LAIR1: variants seen among roughly 807,000 people sequenced by gnomAD.
The protein encoded by LAIR1 is leukocyte associated immunoglobulin like receptor 1.
LAIR1 carries 24 observed loss-of-function variants against 32.8 expected under a neutral mutation model. That is an observed-to-expected ratio of 0.73 (90% CI 0.53 to 1.03). LAIR1 has a LOEUF of 1.03. LAIR1 is among the 50% of genes least tolerant of loss of function. LAIR1 has a pLI of 0.00. For missense variants in LAIR1, 355 were observed against 347.5 expected, an observed-to-expected ratio of 1.02 and a Z score of -0.17; for synonymous variants, 150 against 140.5, an observed-to-expected ratio of 1.07 and a Z score of -0.48.
In LAIR1 at chr19:54,356,416, G is replaced by A. The variant is rs763321721; in HGVS notation, c.584-18C>T. The A allele has an allele frequency of 1.2e-6, 2 of 1,603,658 alleles. No individual in the cohort carries two copies. The highest frequency in any genetic ancestry group is 2.2e-5 in the South Asian group (2 of 89,816). On this transcript the variant is annotated intron_variant, in intron 6 of 9. Coordinates refer to ENST00000391742, the MANE Select transcript of LAIR1 (RefSeq NM_002287.6). ...GGGGGGCCCTAAGGACAGTCGGGGT[G>A]TGAATTAAGGAGACCTTCTTCCTAG...
upstream of LAIR1, among the ~76,000 whole-genome samples, chr19:54,374,387 C>T (rs1446952483): frequency 3.3e-5 from 5 of 152,192 alleles, no homozygotes; most frequent in African/African-American, 1.2e-4. Flanking sequence ...GCAAGGGTGA[C>T]GGCCTTCTCC....
upstream of LAIR1, among the ~76,000 whole-genome samples, chr19:54,374,481 G>T (rs547755497): frequency 7.3e-4 from 111 of 152,260 alleles, no homozygotes; most frequent in Non-Finnish European, 1.3e-3. Flanking sequence ...TGAACCGGGG[G>T]TGCAGAACCT....
chr19:54,373,252 C>G (rs536277212), upstream of LAIR1, among the ~76,000 whole-genome samples: 1 of 151,242 alleles, frequency 6.6e-6, no homozygotes, highest in Admixed American at 6.6e-5. Flanking sequence ...ACCATCCTGG[C>G]CAACACGGTG....
rs1281745019 is a variant in LAIR1, at chr19:54,352,268, AG to A, written c.*2999del. Reference sequence around the variant, plus strand: ...GGTGTTCACCGCCAGGGCACACCCCAGGGGAACTGGGGTGGGATCATAAGCA... The same window carrying A: ...GGTGTTCACCGCCAGGGCACACCCCAGGGAACTGGGGTGGGATCATAAGCA... On this transcript the variant is annotated 3_prime_UTR_variant, in exon 10 of 10. Transcript: ENST00000391742. The A allele has an allele frequency of 1.3e-5, 2 of 153,724 alleles. No homozygotes were observed. Among genetic ancestry groups the A allele is most frequent in the East Asian group, 1.9e-4 (1 of 5,180 alleles). The allele number at this position is 153,724 out of a possible 1,614,324, so 9.5% of individuals were successfully genotyped here.
chr19:54,374,446 C>T (rs187094496), upstream of LAIR1, among the ~76,000 whole-genome samples: 73 of 152,240 alleles, frequency 4.8e-4, no homozygotes, highest in Non-Finnish European at 8.2e-4. Flanking sequence ...GGGGTCCACA[C>T]GGCCCACTCC....
chr19:54,363,116 G>A (rs2082104027), intron 2 of LAIR1, among the ~76,000 whole-genome samples: 1 of 152,168 alleles, frequency 6.6e-6, no homozygotes, highest in Admixed American at 6.5e-5. Context: ...TCATGGTTGT[G>A]CTTTTGCAAA....
upstream of LAIR1, among the ~76,000 whole-genome samples, chr19:54,371,058 C>A (rs866637309): frequency 8.0e-5 from 12 of 150,288 alleles, no homozygotes; most frequent in Non-Finnish European, 1.6e-4. Flanking sequence ...ATTTTTTTAA[C>A]AGAACATGTA....
Position 54,354,462 on chromosome 19 carries a change from T to G in LAIR1, c.*806A>C, listed in dbSNP as rs2081612834. ...TGTGGCGATGGGTGCGCTGAGGAAT[T>G]GATTGTGACTGTCATTGCACAATGT... On this transcript the variant is annotated 3_prime_UTR_variant, in exon 10 of 10. Transcript: ENST00000391742. The G allele has an allele frequency of 6.6e-6, 1 of 152,220 alleles. No homozygotes were observed. Among genetic ancestry groups the G allele is most frequent in the South Asian group, 2.1e-4 (1 of 4,836 alleles). 9.4% of individuals were successfully genotyped at this position (152,220 alleles called of 1,614,324 possible).
chr19:54,368,639 C>G (rs374349995), upstream of LAIR1: 11 of 152,124 alleles, frequency 7.2e-5, no homozygotes, highest in African/African-American at 2.7e-4. Flanking sequence ...TGCTCCTTTG[C>G]CTCCATGTGG....
chr19:54,360,873 G>T (rs778630414), intron 3 of LAIR1, 43 bp downstream of exon 3: 1 of 1,574,584 alleles, frequency 6.4e-7, no homozygotes, highest in Non-Finnish European at 8.7e-7. Context: ...ACAAGCTCGA[G>T]GGTCGAGCTG....
rs1459971257 is a variant in LAIR1, at chr19:54,356,615, T to G, written c.459A>C (p.Ala153=). The part of the protein sequence containing the change: ...RPSDNSHNEH[A]PASQGLKAEH... Reference sequence around the variant, plus strand: ...CAGCTTTCAGGCCTTGGGAAGCAGGTGCATCTAAGAAAGACAGAAACAGGA... The same window carrying G: ...CAGCTTTCAGGCCTTGGGAAGCAGGGGCATCTAAGAAAGACAGAAACAGGA... The change falls in exon 6 of 10, where the codon GCA becomes GCC. Residue 153 remains alanine (A), a synonymous_variant. Transcript: ENST00000391742. 1 of 1,613,404 alleles carries G rather than the reference T, an allele frequency of 6.2e-7. No homozygotes were observed. The highest frequency in any genetic ancestry group is 1.3e-5 in the African/African-American group (1 of 74,818).
At chr19:54,357,426 AG>A (rs1294035671) in intron 4 of LAIR1, 1 of 156,072 alleles carries the variant, frequency 6.4e-6, no homozygotes, top group Non-Finnish European at 1.4e-5. Context: ...TTCCCACCAG[AG>A]GGCAAGAATC....
At chr19:54,362,993 T>C (rs941863714) in intron 2 of LAIR1, among the ~76,000 whole-genome samples, 12 of 149,398 alleles carry the variant, frequency 8.0e-5, no homozygotes, top group African/African-American at 3.0e-4. Flanking sequence ...TGATTCTATC[T>C]GAAGATAAAC....
chr19:54,371,314 G>T (rs12979185), upstream of LAIR1, among the ~76,000 whole-genome samples: 180 of 151,342 alleles, frequency 1.2e-3, no homozygotes, highest in Non-Finnish European at 1.9e-3. Context: ...TTTAAAAATT[G>T]TATTTATTTA....
upstream of LAIR1, among the ~76,000 whole-genome samples, chr19:54,368,021 C>T (rs955564968): frequency 5.3e-5 from 8 of 151,868 alleles, no homozygotes; most frequent in African/African-American, 1.9e-4. Flanking sequence ...ATCCACCCGC[C>T]TCGGCCTCCC....
chr19:54,356,543 A>T lies in LAIR1; in HGVS notation c.531T>A (p.Cys177Ter). The change falls in exon 6 of 10, where the codon TGT becomes TGA. Residue 177 changes from cysteine (C) to a stop codon, truncating the protein, a stop_gained. Coordinates refer to ENST00000391742, the MANE Select transcript of LAIR1 (RefSeq NM_002287.6). LOFTEE classifies it high-confidence loss of function. ...LIGVSVVFLF[C>*]LLLLVLFCLH... ...GGCAGAAGAGGACCAGGAGGAGGAG[A>T]CAGAAGAGGAAGACCACTGAGACCC... 6.2e-7 allele frequency: 1 copy of T among 1,613,750 alleles called. No individual in the cohort carries two copies. Among genetic ancestry groups the T allele is most frequent in the Non-Finnish European group, 8.5e-7 (1 of 1,179,918 alleles).
At chr19:54,363,141 G>C (rs1208310739) in intron 2 of LAIR1, among the ~76,000 whole-genome samples, 1 of 151,688 alleles carries the variant, frequency 6.6e-6, no homozygotes, top group Non-Finnish European at 1.5e-5. Flanking sequence ...CAGTCCCTGG[G>C]GTCAGGAAGG....
In LAIR1 at chr19:54,353,583, TTC is replaced by T. The variant is rs1320411814; in HGVS notation, c.*1683_*1684del. ...GTTACTTCATGTCTCGGTCCATAGT[TTC>T]TGTTTTTATAAATGAGGAAAATAAT... On this transcript the variant is annotated 3_prime_UTR_variant, in exon 10 of 10. Transcript: ENST00000391742. The T allele has an allele frequency of 6.6e-6, 1 of 152,030 alleles. No homozygotes were observed. The highest frequency in any genetic ancestry group is 2.4e-5 in the African/African-American group (1 of 41,382). The allele number at this position is 152,030 out of a possible 1,614,324, so 9.4% of individuals were successfully genotyped here.
rs1448474305 is a variant in LAIR1 at position 54,351,653 on chromosome 19, C to T, written c.*3615G>A. The T allele has an allele frequency of 6.6e-6, 1 of 152,112 alleles. No individual in the cohort carries two copies. The highest frequency in any genetic ancestry group is 1.5e-5 in the Non-Finnish European group (1 of 68,028). 9.4% of individuals were successfully genotyped at this position (152,112 alleles called of 1,614,324 possible). ...TTAAGTAGTAGTTTCCATTGGACAGCAGGTGTGTAAGCAGGAGCCAAGAGT... is the reference window on the plus strand; with the variant it reads ...TTAAGTAGTAGTTTCCATTGGACAGTAGGTGTGTAAGCAGGAGCCAAGAGT... On this transcript the variant is annotated 3_prime_UTR_variant, in exon 10 of 10. Coordinates refer to ENST00000391742, the MANE Select transcript of LAIR1 (RefSeq NM_002287.6).
Sources: gnomAD v4.1 joint callset for allele counts (sites outside exome capture counted in the v4.1 genomes callset) on GRCh38, gnomAD v4.1.1 for gene constraint, MANE v1.5 for transcripts, NCBI Gene and HGNC (gene_info 2026-07-23, HGNC 2026-07-21) for gene names.